GLI3: variants seen among roughly 807,000 people sequenced by gnomAD.
GLI3 encodes GLI family zinc finger 3.
GLI3 carries 20 observed loss-of-function variants against 100.8 expected under a neutral mutation model. The observed-to-expected ratio is 0.20, with a 90% CI of 0.14 to 0.29. GLI3 has a LOEUF of 0.29. Ranked by LOEUF, GLI3 falls within the 10% of genes least tolerant of loss-of-function variation. The probability of loss-of-function intolerance (pLI) is 1.00; values close to 1 mark genes in which losing one functional copy is unlikely to be tolerated. For missense variants in GLI3, 2,040 were observed against 2,128.5 expected (o/e 0.96, Z 0.82); for synonymous variants, 938 against 860.5 (o/e 1.09, Z -1.58).
chr7:42,230,266 G>T (rs561055366), intron 1 of GLI3, among the ~76,000 whole-genome samples: 1 of 152,114 alleles, frequency 6.6e-6, no homozygotes, highest in Admixed American at 6.5e-5. Flanking sequence ...CTATCTGTCC[G>T]CTTTGCCATT....
intron 2 of GLI3, among the ~76,000 whole-genome samples, chr7:42,219,290 A>G (rs1374139151): frequency 6.6e-6 from 1 of 152,272 alleles, no homozygotes; most frequent in Non-Finnish European, 1.5e-5. Flanking sequence ...CACTTCAAAT[A>G]TAACAATAAA....
intron 2 of GLI3, among the ~76,000 whole-genome samples, chr7:42,190,675 C>T (rs1197724488): frequency 6.6e-6 from 1 of 152,062 alleles, no homozygotes. Context: ...AATTGCAATA[C>T]ATTTTGAAAA....
At chr7:42,230,844 C>T (rs553485979) in intron 1 of GLI3, among the ~76,000 whole-genome samples, 50 of 152,250 alleles carry the variant, frequency 3.3e-4, no homozygotes, top group Middle Eastern at 3.4e-3. Flanking sequence ...CCACTTTCTA[C>T]GGGGTTAGCT....
intron 7 of GLI3, among the ~76,000 whole-genome samples, chr7:42,028,615 T>C (rs975124101): frequency 6.6e-6 from 1 of 151,738 alleles, no homozygotes; most frequent in Admixed American, 6.6e-5. Context: ...AATACAAAAA[T>C]TAGCCAGGCG....
intron 4 of GLI3, among the ~76,000 whole-genome samples, chr7:42,064,985 C>G (rs1418702171): frequency 6.6e-6 from 1 of 151,958 alleles, no homozygotes; most frequent in African/African-American, 2.4e-5. Flanking sequence ...CCAGGCCCAG[C>G]AAGAAAAGAA....
chr7:42,079,856 C>T (rs1433127058), intron 3 of GLI3, among the ~76,000 whole-genome samples: 2 of 152,178 alleles, frequency 1.3e-5, no homozygotes, highest in African/African-American at 4.8e-5. Context: ...ACGTTTTTCA[C>T]TCAAAATGTG....
At chr7:42,204,186 C>T (rs536455736) in intron 2 of GLI3, among the ~76,000 whole-genome samples, 1 of 152,150 alleles carries the variant, frequency 6.6e-6, no homozygotes, top group African/African-American at 2.4e-5. Flanking sequence ...ACCAATAGGA[C>T]TCATATACCT....
intron 10 of GLI3, among the ~76,000 whole-genome samples, chr7:42,001,958 A>C (rs140164293): frequency 7.8e-4 from 119 of 152,310 alleles, no homozygotes; most frequent in Non-Finnish European, 1.4e-3. Flanking sequence ...CATGCATTTA[A>C]TTATGTGTTC....
At chr7:42,026,438 G>T in intron 7 of GLI3, 26 bp from the exon 8 acceptor site, 4 of 1,553,516 alleles carry the variant, frequency 2.6e-6, no homozygotes, top group African/African-American at 1.4e-5. Flanking sequence ...AAAAAAAGAC[G>T]ATCATCACTT....
intron 2 of GLI3, among the ~76,000 whole-genome samples, chr7:42,171,161 T>C (rs1787364716): frequency 1.3e-5 from 2 of 152,322 alleles, no homozygotes; most frequent in South Asian, 4.1e-4. Flanking sequence ...CTAGACTTGA[T>C]TGCAAAAATT....
At chr7:41,999,824 T>C (rs1334454918) in intron 10 of GLI3, among the ~76,000 whole-genome samples, 2 of 152,108 alleles carry the variant, frequency 1.3e-5, no homozygotes, top group African/African-American at 2.4e-5. Flanking sequence ...TCTCTGCCCA[T>C]GAAGCACATT....
chr7:41,983,090 A>C (rs1211217719), intron 10 of GLI3, among the ~76,000 whole-genome samples: 1 of 152,210 alleles, frequency 6.6e-6, no homozygotes, highest in Non-Finnish European at 1.5e-5. Context: ...AAGTCTAAAA[A>C]CCATTCTTAG....
At chr7:42,027,002 G>A (rs897890661) in intron 7 of GLI3, among the ~76,000 whole-genome samples, 2 of 152,178 alleles carry the variant, frequency 1.3e-5, no homozygotes, top group African/African-American at 2.4e-5. Context: ...ACCTCTCCCC[G>A]CTGAAATCAG....
chr7:42,200,805 G>GAA (rs35456550), intron 2 of GLI3, among the ~76,000 whole-genome samples: 33 of 149,496 alleles, frequency 2.2e-4, no homozygotes, highest in South Asian at 6.4e-4. Context: ...AAACTTTTCA[G>GAA]AAAAAAAAAA....
intron 10 of GLI3, among the ~76,000 whole-genome samples, chr7:41,982,041 T>C (rs1309114200): frequency 6.6e-6 from 1 of 152,180 alleles, no homozygotes; most frequent in African/African-American, 2.4e-5. Flanking sequence ...AACCTCATTT[T>C]CATAAGGTTA....
At chr7:42,182,664 A>ATATACATGTGTGTG (rs1554337048) in intron 2 of GLI3, among the ~76,000 whole-genome samples, 3 of 78,328 alleles carry the variant, frequency 3.8e-5, no homozygotes, top group African/African-American at 6.4e-5. Context: ...ATATATATAT[A>ATATACATGTGTGTG]TATATATATA....
intron 1 of GLI3, among the ~76,000 whole-genome samples, chr7:42,234,461 A>G (rs185406667): frequency 3.7e-4 from 56 of 152,362 alleles, no homozygotes; most frequent in Non-Finnish European, 6.6e-4. Flanking sequence ...GAATTGATAA[A>G]TTAACAATTC....
intron 1 of GLI3, among the ~76,000 whole-genome samples, chr7:42,253,590 T>G (rs1220843240): frequency 1.3e-5 from 2 of 152,220 alleles, no homozygotes; most frequent in Non-Finnish European, 2.9e-5. Flanking sequence ...AAGCATGAAG[T>G]CTCTGGAGCC....
chr7:41,982,681 G>A (rs1787705903), intron 10 of GLI3, among the ~76,000 whole-genome samples: 1 of 141,984 alleles, frequency 7.0e-6, no homozygotes, highest in Non-Finnish European at 1.5e-5. Context: ...CAGCCTGGGA[G>A]AGCAAGAACT....
Sources: allele counts gnomAD v4.1 joint callset (sites outside exome capture counted in the v4.1 genomes callset), GRCh38; gene constraint gnomAD v4.1.1; transcripts MANE v1.5; gene names NCBI Gene and HGNC (gene_info 2026-07-23, HGNC 2026-07-21).